The following PRKCE variants were observed in gnomAD, a reference collection of about 807,000 sequenced individuals.
PRKCE encodes protein kinase C epsilon.
Under a neutral mutation model 85.4 loss-of-function variants are expected in PRKCE, and 16 were observed. The ratio of observed to expected loss-of-function variants is 0.19; its 90% CI spans 0.13 to 0.28. The LOEUF is 0.28. Ranked by LOEUF, PRKCE falls within the 10% of genes least tolerant of loss-of-function variation. PRKCE has a pLI of 1.00. For missense variants in PRKCE, 573 were observed against 975.2 expected, an observed-to-expected ratio of 0.59 and a Z score of 5.49; for synonymous variants, 388 against 371.5, an observed-to-expected ratio of 1.04 and a Z score of -0.51.
chr2:45,769,024 A>G (rs1228264258), intron 1 of PRKCE, among the ~76,000 whole-genome samples: 1 of 152,202 alleles, frequency 6.6e-6, no homozygotes, highest in Non-Finnish European at 1.5e-5. Flanking sequence ...ATTCCGGGCC[A>G]TTTTGGCAGC....
chr2:45,871,641 G>A (rs982172753), intron 2 of PRKCE, among the ~76,000 whole-genome samples: 1 of 152,152 alleles, frequency 6.6e-6, no homozygotes, highest in Non-Finnish European at 1.5e-5. Context: ...GGGTTTACAT[G>A]GGATTAAGTT....
intron 1 of PRKCE, among the ~76,000 whole-genome samples, chr2:45,839,532 A>G (rs1691177174): frequency 6.6e-6 from 1 of 152,226 alleles, no homozygotes; most frequent in Non-Finnish European, 1.5e-5. Flanking sequence ...GCTCAGAACT[A>G]ACCCTGGGAA....
chr2:46,092,221 C>T (rs1056027063), intron 11 of PRKCE, among the ~76,000 whole-genome samples: 6 of 152,188 alleles, frequency 3.9e-5, no homozygotes, highest in South Asian at 4.1e-4. Flanking sequence ...AATGACAGAG[C>T]GTCTTATCTA....
At chr2:45,741,165 A>T (rs544519184) in intron 1 of PRKCE, among the ~76,000 whole-genome samples, 58 of 152,192 alleles carry the variant, frequency 3.8e-4, no homozygotes, top group Non-Finnish European at 6.6e-4. Context: ...GGTGCCTGTA[A>T]AGGAGTCTGT....
At chr2:45,722,890 C>T in intron 1 of PRKCE, among the ~76,000 whole-genome samples, 1 of 152,214 alleles carries the variant, frequency 6.6e-6, no homozygotes, top group East Asian at 1.9e-4. Context: ...CACTTGAGGT[C>T]AGGAGTTTGA....
At chr2:46,129,418 C>T (rs966366914) in intron 11 of PRKCE, among the ~76,000 whole-genome samples, 7 of 151,816 alleles carry the variant, frequency 4.6e-5, no homozygotes, top group Non-Finnish European at 8.8e-5. Flanking sequence ...TACTCCTCAA[C>T]GTTATTTTAT....
intron 6 of PRKCE, among the ~76,000 whole-genome samples, chr2:45,991,533 C>T (rs1227541721): frequency 6.6e-6 from 1 of 152,218 alleles, no homozygotes; most frequent in East Asian, 1.9e-4. Flanking sequence ...ATCTACTTTA[C>T]TTACTAGAAA....
chr2:45,793,783 C>G (rs762951992), intron 1 of PRKCE, among the ~76,000 whole-genome samples: 2 of 152,172 alleles, frequency 1.3e-5, no homozygotes, highest in Non-Finnish European at 2.9e-5. Flanking sequence ...AACTGGGATC[C>G]GGGCTAAACC....
chr2:46,135,817 C>T (rs1402383697), intron 11 of PRKCE, among the ~76,000 whole-genome samples: 1 of 113,216 alleles, frequency 8.8e-6, no homozygotes, highest in African/African-American at 3.4e-5. Context: ...TTGTGTTTGG[C>T]CTCTGGTGGT....
intron 11 of PRKCE, among the ~76,000 whole-genome samples, chr2:46,117,103 C>T (rs1200782235): frequency 1.3e-5 from 2 of 152,278 alleles, no homozygotes; most frequent in East Asian, 3.9e-4. Flanking sequence ...GAGAATCTGC[C>T]ACTGAGCTCT....
intron 2 of PRKCE, among the ~76,000 whole-genome samples, chr2:45,904,124 G>A (rs577282483): frequency 3.3e-5 from 5 of 151,904 alleles, no homozygotes; most frequent in Non-Finnish European, 5.9e-5. Context: ...GGCTGGTCTC[G>A]AACTCTTGAT....
chr2:46,113,027 G>T (rs1672422113), intron 11 of PRKCE, among the ~76,000 whole-genome samples: 1 of 152,198 alleles, frequency 6.6e-6, no homozygotes, highest in African/African-American at 2.4e-5. Flanking sequence ...GCTTAAATAG[G>T]ACAATGCATC....
intron 1 of PRKCE, among the ~76,000 whole-genome samples, chr2:45,717,715 G>T (rs1322826110): frequency 4.6e-5 from 7 of 152,096 alleles, no homozygotes; most frequent in African/African-American, 7.2e-5. Context: ...CCCCTGTTTT[G>T]GGGACTCCTG....
chr2:45,900,146 G>A (rs1157886967), intron 2 of PRKCE, among the ~76,000 whole-genome samples: 1 of 152,170 alleles, frequency 6.6e-6, no homozygotes, highest in Non-Finnish European at 1.5e-5. Flanking sequence ...GTGGGGAAAT[G>A]GAAACTGTTG....
At chr2:45,740,971 A>AGTT (rs1682509114) in intron 1 of PRKCE, among the ~76,000 whole-genome samples, 1 of 152,248 alleles carries the variant, frequency 6.6e-6, no homozygotes, top group Non-Finnish European at 1.5e-5. Flanking sequence ...CTGATATAAA[A>AGTT]CATCTGATGA....
At chr2:45,911,029 A>G (rs970769213) in intron 2 of PRKCE, among the ~76,000 whole-genome samples, 1 of 152,128 alleles carries the variant, frequency 6.6e-6, no homozygotes, top group Admixed American at 6.5e-5. Flanking sequence ...ACCACTACTC[A>G]CGGGCTTTTT....
At chr2:46,045,346 T>G (rs1484023436) in intron 10 of PRKCE, among the ~76,000 whole-genome samples, 1 of 152,204 alleles carries the variant, frequency 6.6e-6, no homozygotes, top group East Asian at 1.9e-4. Flanking sequence ...AAAACACTGA[T>G]TTAAGGGCTG....
intron 13 of PRKCE, among the ~76,000 whole-genome samples, chr2:46,154,081 G>A (rs1024704508): frequency 6.6e-6 from 1 of 151,970 alleles, no homozygotes; most frequent in South Asian, 2.1e-4. Flanking sequence ...CTCCACGCCC[G>A]GCCTGGGTAT....
intron 2 of PRKCE, among the ~76,000 whole-genome samples, chr2:45,893,606 C>T (rs962270955): frequency 3.0e-4 from 46 of 151,806 alleles, no homozygotes. Context: ...AGGCAATCCG[C>T]CCGCCTCAGC....
Sources: allele counts gnomAD v4.1 joint callset (sites outside exome capture counted in the v4.1 genomes callset), GRCh38; gene constraint gnomAD v4.1.1; transcripts MANE v1.5; gene names NCBI Gene and HGNC (gene_info 2026-07-23, HGNC 2026-07-21).